The following EFR3B variants were observed in gnomAD, a reference collection of about 807,000 sequenced individuals.
EFR3B encodes the protein EFR3 homolog B, also known as protein EFR3 homolog B.
Under a neutral mutation model 104.7 loss-of-function variants are expected in EFR3B, and 64 were observed. That is an observed-to-expected ratio of 0.61 (90% CI 0.50 to 0.75). EFR3B has a LOEUF of 0.75. EFR3B is among the 30% of genes least tolerant of loss of function. EFR3B has a pLI of 0.00. For missense variants in EFR3B, 750 were observed against 1,078.5 expected (o/e 0.70, Z 4.27); for synonymous variants, 385 against 417.9 (o/e 0.92, Z 0.96).
At chr2:25,133,502 G>A (rs1670439661) in intron 12 of EFR3B, 68 bp downstream of exon 12, 1 of 1,479,098 alleles carries the variant, frequency 6.8e-7, no homozygotes, top group African/African-American at 1.4e-5. Context: ...GGGACCAAGT[G>A]AAGGCCTCCA....
intron 6 of EFR3B, among the ~76,000 whole-genome samples, chr2:25,129,020 G>A (rs1388768614): frequency 1.5e-5 from 2 of 130,390 alleles, no homozygotes; most frequent in African/African-American, 5.6e-5. Flanking sequence ...TCATGGCTCC[G>A]ATCACTGCGG....
intron 1 of EFR3B, among the ~76,000 whole-genome samples, chr2:25,077,222 G>A (rs1463888810): frequency 6.6e-6 from 1 of 151,560 alleles, no homozygotes; most frequent in African/African-American, 2.4e-5. Flanking sequence ...AAACAACAGA[G>A]AATGATTAAA....
At chr2:25,128,607 A>C (rs1670232937) in intron 6 of EFR3B, among the ~76,000 whole-genome samples, 1 of 152,188 alleles carries the variant, frequency 6.6e-6, no homozygotes, top group African/African-American at 2.4e-5. Flanking sequence ...AATAACACAC[A>C]GAACCAAGAG....
rs893725884 is a variant in EFR3B, at chr2:25,137,797, C to G, written c.1722+295C>G. 1.3e-5 allele frequency among the ~76,000 whole-genome samples: 2 copies of G among 152,202 alleles called. No homozygotes were observed. Among genetic ancestry groups the G allele is most frequent in the Non-Finnish European group, 2.9e-5 (2 of 68,038 alleles). ...CTACATGTCAAGTCTCTCGCAGAGT[C>G]TGAGTGAGACTCCAGGGATTCTTAA... On this transcript the variant is annotated intron_variant, in intron 15 of 22. Transcript: ENST00000403714. The surrounding 1 kb of genome is among the most constrained non-coding windows in gnomAD (Gnocchi z 4.7).
rs759054019 is a variant in EFR3B, at chr2:25,153,801, G to C, written c.2348+40G>C. 3.9e-6 allele frequency: 6 copies of C among 1,547,994 alleles called. No individual in the cohort carries two copies. In the East Asian group the frequency reaches 1.2e-4, roughly 32 times the overall value. ...TGGGCAGGGGACCCTGACCTCCGTG[G>C]CCCAGTATTGGGGTTCCTCATCCTG... On this transcript the variant is annotated intron_variant, in intron 22 of 22. Transcript: ENST00000403714.
chr2:25,122,536 T>G (rs1472913480), intron 5 of EFR3B, among the ~76,000 whole-genome samples: 1 of 152,008 alleles, frequency 6.6e-6, no homozygotes, highest in Admixed American at 6.6e-5. Context: ...CCACTCCATC[T>G]CCTTGGCCCT....
intron 1 of EFR3B, among the ~76,000 whole-genome samples, chr2:25,054,347 A>T (rs1409230039): frequency 6.6e-6 from 1 of 150,942 alleles, no homozygotes; most frequent in Non-Finnish European, 1.5e-5. Flanking sequence ...TTGGAGATGG[A>T]GTCTCCCTCT....
chr2:25,151,057 T>TAAA (rs200604743), intron 20 of EFR3B, among the ~76,000 whole-genome samples: 3 of 133,614 alleles, frequency 2.2e-5, no homozygotes, highest in Non-Finnish European at 3.3e-5. Context: ...TCATCTCTAT[T>TAAA]AAAAAAAAAA....
chr2:25,068,925 G>A lies in EFR3B; in HGVS notation c.8-22400G>A, dbSNP rs1262357571. 1.1e-4 allele frequency among the ~76,000 whole-genome samples: 16 copies of A among 140,774 alleles called. No homozygotes were observed. The South Asian group carries it at 2.3e-3, about 20-fold the overall frequency. The allele number at this position is 140,774 out of a possible 152,430, so 92.4% of individuals were successfully genotyped here. A position where few individuals can be genotyped will look rare whatever the true frequency, so the allele number is the denominator to read the frequency against. On this transcript the variant is annotated intron_variant, in intron 1 of 22. Coordinates refer to ENST00000403714, the MANE Select transcript of EFR3B (RefSeq NM_014971.2). ...ATTACAGGCGTGAGCCACCGCGCCCGGCATCTTTTTTTTTTTTTTTTTTTC... is the reference window on the plus strand; with the variant it reads ...ATTACAGGCGTGAGCCACCGCGCCCAGCATCTTTTTTTTTTTTTTTTTTTC...
chr2:25,109,814 G>A (rs911337991), intron 4 of EFR3B, among the ~76,000 whole-genome samples: 9 of 152,150 alleles, frequency 5.9e-5, no homozygotes, highest in East Asian at 1.9e-4. Flanking sequence ...ATTAAATGCC[G>A]CTGAATTGGG....
In EFR3B at chr2:25,139,164, C is replaced by T; in HGVS notation, c.1828C>T (p.Pro610Ser). 6.4e-7 allele frequency: 1 copy of T among 1,551,620 alleles called. No homozygotes were observed. Among genetic ancestry groups the T allele is most frequent in the Non-Finnish European group, 8.7e-7 (1 of 1,146,976 alleles). ...LNLISQLTTV[P>S]AFCQHIHEVI... is the part of the protein sequence containing the mutation. ...CCTCATCAGTCAGCTCACAACAGTG[C>T]CTGCCTTCTGCCAGCACATCCATGA... Residue 610 changes from proline to serine, a missense_variant, in exon 16 of 23, where the codon CCT becomes TCT. By Grantham distance (74) the Pro-to-Ser change is moderately conservative (BLOSUM62 -1). Transcript: ENST00000403714.
At position 25,133,450 on chromosome 2, in the gene EFR3B, C is replaced by T. The variant is rs1352370307; in HGVS notation, c.1311+16C>T. ...CCTCCTGCAGGTGAGCCCCATCTATCCCCATTCCTGCTCTTCCTCTGCAGG... is the reference window on the plus strand; with the variant it reads ...CCTCCTGCAGGTGAGCCCCATCTATTCCCATTCCTGCTCTTCCTCTGCAGG... On this transcript the variant is annotated intron_variant, in intron 12 of 22. Coordinates refer to ENST00000403714, the MANE Select transcript of EFR3B (RefSeq NM_014971.2). 1.5e-5 allele frequency: 24 copies of T among 1,552,298 alleles called. No individual in the cohort carries two copies. Among genetic ancestry groups the T allele is most frequent in the Non-Finnish European group, 2.1e-5 (24 of 1,147,050 alleles).
intron 1 of EFR3B, among the ~76,000 whole-genome samples, chr2:25,054,678 T>C (rs1667971600): frequency 6.6e-6 from 1 of 152,172 alleles, no homozygotes; most frequent in Admixed American, 6.5e-5. Flanking sequence ...AATCCCTGCA[T>C]ACAAGGATGA....
intron 1 of EFR3B, among the ~76,000 whole-genome samples, chr2:25,071,384 C>T (rs1295034928): frequency 1.3e-5 from 2 of 151,978 alleles, no homozygotes; most frequent in Non-Finnish European, 2.9e-5. Context: ...CCTCGGCCTC[C>T]TGAGTAGCTG....
At chr2:25,076,393 G>A (rs1357334036) in intron 1 of EFR3B, among the ~76,000 whole-genome samples, 2 of 152,064 alleles carry the variant, frequency 1.3e-5, no homozygotes, top group African/African-American at 2.4e-5. Flanking sequence ...CAATTACTGA[G>A]TTCTTACTGT....
intron 19 of EFR3B, among the ~76,000 whole-genome samples, chr2:25,148,150 C>T (rs1020150535): frequency 6.6e-6 from 1 of 151,744 alleles, no homozygotes; most frequent in African/African-American, 2.4e-5. Context: ...TATGGATCTC[C>T]CTTCTTTGAG....
At chr2:25,094,720 C>A (rs1449497925) in intron 3 of EFR3B, among the ~76,000 whole-genome samples, 1 of 152,054 alleles carries the variant, frequency 6.6e-6, no homozygotes, top group Admixed American at 6.5e-5. Context: ...AACACTTATG[C>A]CCTTTCACTC....
chr2:25,121,762 C>T lies in EFR3B; in HGVS notation c.453C>T (p.His151=), dbSNP rs1670021925. The change falls in exon 5 of 23, where the codon CAC becomes CAT. Residue 151 remains histidine (H), a synonymous_variant. Coordinates refer to ENST00000403714, the MANE Select transcript of EFR3B (RefSeq NM_014971.2). The part of the protein sequence containing the change: ...FFVSRFSEMC[H]SSHDDLEIKT... ...TGTCCCGATTCAGTGAAATGTGCCA[C>T]TCGAGCCATGATGACTTAGAAATCA... is the stretch of plus-strand genomic sequence containing the variant. 1.9e-6 allele frequency: 3 copies of T among 1,551,714 alleles called. No homozygotes were observed. The East Asian group carries it at 7.3e-5, about 38-fold the overall frequency.
chr2:25,093,939 G>A (rs1669205311), intron 3 of EFR3B, among the ~76,000 whole-genome samples: 1 of 152,194 alleles, frequency 6.6e-6, no homozygotes. Flanking sequence ...CTTAAAGCAA[G>A]TGACTGATCA....
Sources: allele counts gnomAD v4.1 joint callset (sites outside exome capture counted in the v4.1 genomes callset), GRCh38; gene constraint gnomAD v4.1.1; non-coding constraint Gnocchi (gnomAD v3.1); transcripts MANE v1.5; gene names NCBI Gene and HGNC (gene_info 2026-07-23, HGNC 2026-07-21).